SORT1: variants seen among roughly 807,000 people sequenced by gnomAD.
The protein encoded by SORT1 is sortilin.
SORT1 carries 39 observed loss-of-function variants against 101.7 expected under a neutral mutation model. The ratio of observed to expected loss-of-function variants is 0.38; its 90% CI spans 0.30 to 0.50. The LOEUF (loss-of-function observed/expected upper bound fraction) is 0.50. Ranked by LOEUF, SORT1 falls within the 20% of genes least tolerant of loss-of-function variation. The pLI, the probability that SORT1 is intolerant of heterozygous loss-of-function variation, is 0.90. For missense variants in SORT1, 878 were observed against 1,040.4 expected, an observed-to-expected ratio of 0.84 and a Z score of 2.15; for synonymous variants, 396 against 393.7, an observed-to-expected ratio of 1.01 and a Z score of -0.07.
At chr1:109,379,697 G>A (rs1464710064) in intron 1 of SORT1, among the ~76,000 whole-genome samples, 2 of 152,158 alleles carry the variant, frequency 1.3e-5, no homozygotes, top group Non-Finnish European at 2.9e-5. Context: ...GAGCAGATGA[G>A]CATGAAATTA....
At chr1:109,375,750 G>C (rs1428385897) in intron 1 of SORT1, among the ~76,000 whole-genome samples, 1 of 151,954 alleles carries the variant, frequency 6.6e-6, no homozygotes, top group Admixed American at 6.5e-5. Context: ...ATTACATACA[G>C]AGAAACAAAG....
chr1:109,330,695 T>C (rs544744724), intron 11 of SORT1, among the ~76,000 whole-genome samples: 4 of 151,836 alleles, frequency 2.6e-5, no homozygotes, highest in Admixed American at 1.3e-4. Flanking sequence ...GTTGTTTTTT[T>C]TGACAAGATA....
At chr1:109,322,406 G>A (rs1297468717) in intron 15 of SORT1, among the ~76,000 whole-genome samples, 6 of 152,044 alleles carry the variant, frequency 3.9e-5, no homozygotes, top group African/African-American at 1.4e-4. Context: ...TTTGTTGCTG[G>A]TTCTGCCCAA....
intron 14 of SORT1, among the ~76,000 whole-genome samples, chr1:109,324,214 T>G (rs1647833589): frequency 6.6e-6 from 1 of 152,094 alleles, no homozygotes; most frequent in Non-Finnish European, 1.5e-5. Context: ...TTGCAACCTC[T>G]TCCTCTCGGG....
intron 1 of SORT1, among the ~76,000 whole-genome samples, chr1:109,374,588 CAA>C (rs1297031182): frequency 7.7e-6 from 1 of 129,386 alleles, no homozygotes; most frequent in Non-Finnish European, 1.7e-5. Context: ...AACACCGTCT[CAA>C]AAAAAAAAAG....
chr1:109,362,801 T>TAA (rs113027353), intron 3 of SORT1, among the ~76,000 whole-genome samples: 9 of 143,034 alleles, frequency 6.3e-5, no homozygotes, highest in Non-Finnish European at 1.4e-4. Flanking sequence ...ACTTTTTCTT[T>TAA]AAAAAAAAAA....
chr1:109,356,390 T>C (rs1650326704), intron 3 of SORT1, among the ~76,000 whole-genome samples: 1 of 152,208 alleles, frequency 6.6e-6, no homozygotes, highest in African/African-American at 2.4e-5. Context: ...TCTGTCACAA[T>C]GGGAGCACAG....
In SORT1 at chr1:109,336,330, G is replaced by C. The variant is rs1470072023; in HGVS notation, c.1281C>G (p.Thr427=). Reference sequence around the variant, plus strand: ...TTCCTCCTTGGTCAAAAGTGATCATGGTCTGGATAGAATTATCTGAATGGG... The same window carrying C: ...TTCCTCCTTGGTCAAAAGTGATCATCGTCTGGATAGAATTATCTGAATGGG... The part of the protein sequence containing the change: ...SVLSEDNSIQ[T]MITFDQGGRW... Residue 427 remains threonine, a synonymous_variant, in exon 11 of 20, where the codon ACC becomes ACG. Coordinates refer to ENST00000256637, the MANE Select transcript of SORT1 (RefSeq NM_002959.7). 2 of 1,607,478 alleles carry C rather than the reference G, an allele frequency of 1.2e-6. No homozygotes were observed. The highest frequency in any genetic ancestry group is 1.7e-6 in the Non-Finnish European group (2 of 1,174,066).
rs186772577 is a variant in SORT1 at position 109,322,686 on chromosome 1, T to C, written c.2024+246A>G. Reference sequence around the variant, plus strand: ...TTGGGATTATAGGCGTGCGCCACCATGCCCTGCTAATTTTTTTTTGTTTGT... The same window carrying C: ...TTGGGATTATAGGCGTGCGCCACCACGCCCTGCTAATTTTTTTTTGTTTGT... On this transcript the variant is annotated intron_variant, in intron 15 of 19. Coordinates refer to ENST00000256637, the MANE Select transcript of SORT1 (RefSeq NM_002959.7). Among the ~76,000 whole-genome samples, 105 of 152,272 alleles carry C rather than the reference T, an allele frequency of 6.9e-4. 1 individual carries two copies. The East Asian group carries it at 0.019, about 28-fold the overall frequency.
chr1:109,323,232 T>A, intron 14 of SORT1, 111 bp from the exon 15 acceptor site: 1 of 718,782 alleles, frequency 1.4e-6, no homozygotes, highest in Non-Finnish European at 2.4e-6. Flanking sequence ...AATGTCTGAC[T>A]CAACCTATTC....
chr1:109,344,802 T>A (rs1445260515), intron 8 of SORT1, among the ~76,000 whole-genome samples: 2 of 152,126 alleles, frequency 1.3e-5, no homozygotes, highest in Non-Finnish European at 2.9e-5. Flanking sequence ...GCTCAGATGA[T>A]CCTCCCACCT....
intron 1 of SORT1, among the ~76,000 whole-genome samples, chr1:109,396,441 AC>A (rs1477619610): frequency 6.6e-6 from 1 of 152,026 alleles, no homozygotes; most frequent in African/African-American, 2.4e-5. Flanking sequence ...ATTCTACCCA[AC>A]CTGTCTCACC....
chr1:109,384,028 T>G (rs1365786723), intron 1 of SORT1, among the ~76,000 whole-genome samples: 1 of 152,222 alleles, frequency 6.6e-6, no homozygotes, highest in Non-Finnish European at 1.5e-5. Context: ...CCAGTCTCTC[T>G]AAGCTTTAAA....
chr1:109,386,872 TAAAG>T (rs1172546490), intron 1 of SORT1, among the ~76,000 whole-genome samples: 5 of 152,182 alleles, frequency 3.3e-5, no homozygotes. Context: ...GCTGCTCAGT[TAAAG>T]AAAGGGGTGA....
intron 11 of SORT1, among the ~76,000 whole-genome samples, chr1:109,332,199 T>G (rs1226090781): frequency 6.6e-6 from 1 of 152,228 alleles, no homozygotes; most frequent in Non-Finnish European, 1.5e-5. Context: ...CCTCTTTCTG[T>G]GACAACACAG....
chr1:109,361,486 TTC>T lies in SORT1; in HGVS notation c.440+5920_440+5921del, dbSNP rs1221912508. ...TTTCTCTACAGCCCTCCTCTTTTCT[TTC>T]TGAGCCTTCACCAGAATCATCTTTA... is the stretch of plus-strand genomic sequence containing the variant. On this transcript the variant is annotated intron_variant, in intron 3 of 19. Transcript: ENST00000256637. 2.0e-5 allele frequency among the ~76,000 whole-genome samples: 3 copies of T among 152,340 alleles called. No homozygotes were observed. In the East Asian group the frequency reaches 5.8e-4, roughly 29 times the overall value.
chr1:109,318,056 A>G, intron 15 of SORT1, 87 bp from the exon 16 acceptor site: 1 of 771,922 alleles, frequency 1.3e-6, no homozygotes, highest in Non-Finnish European at 2.2e-6. Context: ...GGGGTAGTGG[A>G]TGGTTAACAT....
At chr1:109,374,508 T>C (rs1227988154) in intron 1 of SORT1, among the ~76,000 whole-genome samples, 3 of 151,888 alleles carry the variant, frequency 2.0e-5, no homozygotes, top group African/African-American at 7.3e-5. Flanking sequence ...GGAGAATCAC[T>C]TGAATCCAGG....
intron 13 of SORT1, among the ~76,000 whole-genome samples, chr1:109,326,128 C>T (rs1648000988): frequency 6.7e-6 from 1 of 149,324 alleles, no homozygotes; most frequent in Non-Finnish European, 1.5e-5. Context: ...TCTCAGCTCA[C>T]TGTGGCCTTG....
Sources: gnomAD v4.1 joint callset for allele counts (sites outside exome capture counted in the v4.1 genomes callset) on GRCh38, gnomAD v4.1.1 for gene constraint, MANE v1.5 for transcripts, NCBI Gene and HGNC (gene_info 2026-07-23, HGNC 2026-07-21) for gene names.